The following RIMS2 variants were observed in gnomAD, a reference collection of about 807,000 sequenced individuals.
RIMS2 encodes the protein regulating synaptic membrane exocytosis 2, also known as regulating synaptic membrane exocytosis protein 2.
In RIMS2, 59 loss-of-function variants were observed where a neutral mutation model predicts 174.4. The ratio of observed to expected loss-of-function variants is 0.34; its 90% CI spans 0.27 to 0.42. The LOEUF (loss-of-function observed/expected upper bound fraction) is 0.42, where lower values mean the gene tolerates loss of function less well. RIMS2 is among the 10% of genes least tolerant of loss of function. The pLI is 1.00. For missense variants in RIMS2, 1,620 were observed against 1,666.3 expected, an observed-to-expected ratio of 0.97 and a Z score of 0.48; for synonymous variants, 606 against 572.5, an observed-to-expected ratio of 1.06 and a Z score of -0.84.
intron 19 of RIMS2, among the ~76,000 whole-genome samples, chr8:104,091,808 CTT>C (rs1436451504): frequency 8.6e-5 from 13 of 151,400 alleles, no homozygotes; most frequent in Admixed American, 5.3e-4. Flanking sequence ...TCTAAATTGT[CTT>C]TGAATAAATC....
At chr8:103,635,158 A>T (rs114795196) in intron 1 of RIMS2, among the ~76,000 whole-genome samples, 18,855 of 152,164 alleles carry the variant, frequency 0.12, 1,251 homozygotes, top group Middle Eastern at 0.22. Context: ...GTTTTACAGT[A>T]ACAGTGGTCT....
chr8:104,142,086 AT>A, intron 19 of RIMS2, among the ~76,000 whole-genome samples: 1 of 145,020 alleles, frequency 6.9e-6, no homozygotes, highest in South Asian at 2.2e-4. Context: ...TTTTAATTTA[AT>A]TTATTTTTGT....
intron 19 of RIMS2, among the ~76,000 whole-genome samples, chr8:104,140,442 C>T (rs1166984360): frequency 3.3e-5 from 5 of 152,094 alleles, no homozygotes; most frequent in Non-Finnish European, 2.9e-5. Flanking sequence ...CCCTAAAGCA[C>T]GTGTCCCTTA....
chr8:103,720,448 G>C (rs756725956), intron 2 of RIMS2, among the ~76,000 whole-genome samples: 7 of 152,116 alleles, frequency 4.6e-5, no homozygotes, highest in Non-Finnish European at 1.0e-4. Context: ...TGACTTAACA[G>C]TGGTAGATTA....
intron 1 of RIMS2, among the ~76,000 whole-genome samples, chr8:103,580,824 A>AGT: frequency 1.1e-5 from 1 of 91,742 alleles, no homozygotes; most frequent in African/African-American, 4.5e-5. Context: ...GAAAGGGAAT[A>AGT]CTTTTTTTTT....
chr8:104,205,451 C>A (rs2099075252), intron 19 of RIMS2, among the ~76,000 whole-genome samples: 1 of 151,774 alleles, frequency 6.6e-6, no homozygotes, highest in Non-Finnish European at 1.5e-5. Context: ...GAGCTGTGAA[C>A]AACTAACACA....
intron 2 of RIMS2, among the ~76,000 whole-genome samples, chr8:103,714,845 G>A (rs1243135708): frequency 1.3e-5 from 2 of 151,982 alleles, no homozygotes; most frequent in African/African-American, 2.4e-5. Context: ...ATGGCCATAA[G>A]GATGGTTGAT....
At chr8:103,610,627 A>G (rs2095335779) in intron 1 of RIMS2, among the ~76,000 whole-genome samples, 1 of 152,146 alleles carries the variant, frequency 6.6e-6, no homozygotes, top group Admixed American at 6.5e-5. Context: ...GTGATGAATC[A>G]TATTGATTGA....
At chr8:104,239,555 G>T (rs2099275941) in intron 19 of RIMS2, among the ~76,000 whole-genome samples, 1 of 152,052 alleles carries the variant, frequency 6.6e-6, no homozygotes, top group South Asian at 2.1e-4. Flanking sequence ...ATGTATGCAT[G>T]TGTATGTTTA....
chr8:103,581,117 C>T (rs530274798), intron 1 of RIMS2, among the ~76,000 whole-genome samples: 8 of 152,066 alleles, frequency 5.3e-5, no homozygotes, highest in South Asian at 4.2e-4. Context: ...CACACCTGGC[C>T]GAGAAGGGAA....
At chr8:104,235,157 C>A (rs2099251848) in intron 19 of RIMS2, among the ~76,000 whole-genome samples, 1 of 151,976 alleles carries the variant, frequency 6.6e-6, no homozygotes, top group South Asian at 2.1e-4. Flanking sequence ...TCAACACTAC[C>A]CATAAAACAA....
intron 1 of RIMS2, among the ~76,000 whole-genome samples, chr8:103,628,200 C>A (rs1384871881): frequency 6.6e-6 from 1 of 152,104 alleles, no homozygotes. Context: ...GGTATGCACA[C>A]TCCACTTTAT....
intron 17 of RIMS2, among the ~76,000 whole-genome samples, chr8:104,002,764 T>C (rs557763928): frequency 6.6e-6 from 1 of 152,256 alleles, no homozygotes; most frequent in South Asian, 2.1e-4. Flanking sequence ...CTTTCACTGG[T>C]CTCTCTACCC....
chr8:103,638,152 T>G (rs1271063424), intron 1 of RIMS2, among the ~76,000 whole-genome samples: 1 of 152,124 alleles, frequency 6.6e-6, no homozygotes, highest in Non-Finnish European at 1.5e-5. Flanking sequence ...TTTCTATTGG[T>G]TGCAAGTGGG....
intron 1 of RIMS2, among the ~76,000 whole-genome samples, chr8:103,563,350 C>T (rs942129507): frequency 2.0e-5 from 3 of 152,036 alleles, no homozygotes; most frequent in Non-Finnish European, 2.9e-5. Flanking sequence ...ACACAGATAC[C>T]CTAAATCATC....
intron 3 of RIMS2, among the ~76,000 whole-genome samples, chr8:103,801,217 G>A (rs1216899971): frequency 2.0e-5 from 3 of 152,104 alleles, no homozygotes; most frequent in African/African-American, 7.2e-5. Context: ...GAACTCCTGA[G>A]CTCAGGCAAT....
At chr8:103,929,073 A>C (rs189065122) in intron 11 of RIMS2, among the ~76,000 whole-genome samples, 8 of 151,856 alleles carry the variant, frequency 5.3e-5, no homozygotes, top group Non-Finnish European at 8.9e-5. Context: ...AGTCTATTAA[A>C]AGGTGTAATT....
At chr8:103,913,544 T>G (rs1022680461) in intron 6 of RIMS2, among the ~76,000 whole-genome samples, 1 of 152,200 alleles carries the variant, frequency 6.6e-6, no homozygotes, top group African/African-American at 2.4e-5. Flanking sequence ...GGCTGTGTAT[T>G]AGGTCTTTCT....
At chr8:103,648,512 C>T (rs192383461) in intron 1 of RIMS2, among the ~76,000 whole-genome samples, 5 of 152,192 alleles carry the variant, frequency 3.3e-5, no homozygotes, top group East Asian at 3.9e-4. Flanking sequence ...TTTTCTGTCT[C>T]GATGATCTGT....
Sources: gnomAD v4.1 joint callset for allele counts (sites outside exome capture counted in the v4.1 genomes callset) on GRCh38, gnomAD v4.1.1 for gene constraint, MANE v1.5 for transcripts, NCBI Gene and HGNC (gene_info 2026-07-23, HGNC 2026-07-21) for gene names.